The following DLG2 variants were observed in gnomAD, a reference collection of about 807,000 sequenced individuals.
The protein encoded by DLG2 is discs large MAGUK scaffold protein 2.
DLG2 carries 45 observed loss-of-function variants against 132.5 expected under a neutral mutation model. The ratio of observed to expected loss-of-function variants is 0.34; its 90% CI spans 0.27 to 0.44. The LOEUF is 0.44. Among genes scored for constraint, DLG2 ranks in the 20% least tolerant of loss-of-function variants. The pLI, the probability that DLG2 is intolerant of heterozygous loss-of-function variation, is 1.00. For missense variants in DLG2, 1,045 were observed against 1,196.9 expected, an observed-to-expected ratio of 0.87 and a Z score of 1.87; for synonymous variants, 424 against 419.6, an observed-to-expected ratio of 1.01 and a Z score of -0.13.
At chr11:83,630,537 C>A (rs2063377799) in intron 19 of DLG2, among the ~76,000 whole-genome samples, 1 of 152,152 alleles carries the variant, frequency 6.6e-6, no homozygotes, top group African/African-American at 2.4e-5. Context: ...CACAGTTTAT[C>A]CTGTGCAAAA....
At chr11:84,623,825 T>A (rs1041843860) in intron 6 of DLG2, among the ~76,000 whole-genome samples, 1 of 152,212 alleles carries the variant, frequency 6.6e-6, no homozygotes, top group Non-Finnish European at 1.5e-5. Context: ...CCCACCACAA[T>A]GAGAATATTT....
At chr11:85,368,801 A>G (rs2084748926) in intron 3 of DLG2, among the ~76,000 whole-genome samples, 1 of 152,220 alleles carries the variant, frequency 6.6e-6, no homozygotes, top group Admixed American at 6.5e-5. Context: ...GGGTCCCTGG[A>G]GAAACTCTAA....
intron 10 of DLG2, among the ~76,000 whole-genome samples, chr11:84,075,835 C>T (rs1038103456): frequency 6.6e-6 from 1 of 152,160 alleles, no homozygotes; most frequent in Non-Finnish European, 1.5e-5. Context: ...ATGAAAAACT[C>T]ATGACACATT....
At chr11:84,059,219 T>C in intron 11 of DLG2, 96 bp downstream of exon 11, 1 of 1,230,960 alleles carries the variant, frequency 8.1e-7, no homozygotes, top group Non-Finnish European at 1.2e-6. Flanking sequence ...GCACTGAATG[T>C]CAGAGGTTAA....
chr11:85,556,867 GA>G, intron 3 of DLG2, among the ~76,000 whole-genome samples: 1 of 151,686 alleles, frequency 6.6e-6, no homozygotes, highest in East Asian at 1.9e-4. Context: ...ATATAGAGAT[GA>G]AAAAAATATA....
intron 19 of DLG2, among the ~76,000 whole-genome samples, chr11:83,610,028 C>T (rs576359014): frequency 1.3e-5 from 2 of 152,252 alleles, no homozygotes; most frequent in Admixed American, 1.3e-4. Flanking sequence ...ACCCCAGGGT[C>T]TCAACACTCC....
chr11:84,774,107 G>C (rs2069949634), intron 6 of DLG2, among the ~76,000 whole-genome samples: 2 of 152,060 alleles, frequency 1.3e-5, no homozygotes, highest in Non-Finnish European at 2.9e-5. Flanking sequence ...CAAAATCAAT[G>C]TAAAAAATTC....
intron 6 of DLG2, among the ~76,000 whole-genome samples, chr11:85,088,435 G>A (rs1377303): frequency 0.24 from 36,571 of 152,032 alleles, 4,659 homozygotes; most frequent in Middle Eastern, 0.3. Flanking sequence ...AAGATTCAGC[G>A]GCTTTGCACT....
chr11:83,636,050 C>T (rs1480890485), intron 18 of DLG2, among the ~76,000 whole-genome samples: 1 of 152,170 alleles, frequency 6.6e-6, no homozygotes, highest in African/African-American at 2.4e-5. Flanking sequence ...CTAAGTACCA[C>T]TAAATCTCCC....
intron 3 of DLG2, among the ~76,000 whole-genome samples, chr11:85,377,026 T>C (rs1283415936): frequency 6.6e-6 from 1 of 152,156 alleles, no homozygotes; most frequent in Non-Finnish European, 1.5e-5. Context: ...GGTATTATTA[T>C]TACCACCCTT....
chr11:85,118,836 G>T lies in DLG2; in HGVS notation c.283-7101C>A, dbSNP rs568750450. Among the ~76,000 whole-genome samples the T allele has an allele frequency of 3.4e-4, 51 of 151,894 alleles. 1 individual carries two copies. In the South Asian group the frequency reaches 9.6e-3, roughly 28 times the overall value. On this transcript the variant is annotated intron_variant, in intron 5 of 27. Coordinates refer to ENST00000376104, the MANE Select transcript of DLG2 (RefSeq NM_001142699.3). ...GAGTTTCAGTTTTCTCATCCATAAAGTGGAAAAAATAAAACCTAGCTTAAG... is the reference window on the plus strand; with the variant it reads ...GAGTTTCAGTTTTCTCATCCATAAATTGGAAAAAATAAAACCTAGCTTAAG...
intron 7 of DLG2, among the ~76,000 whole-genome samples, chr11:84,298,077 T>C (rs2098113961): frequency 6.6e-6 from 1 of 152,206 alleles, no homozygotes; most frequent in African/African-American, 2.4e-5. Context: ...CACCCCTGTC[T>C]GAAGTAATCT....
chr11:84,746,441 A>AT (rs1438483527), intron 6 of DLG2, among the ~76,000 whole-genome samples: 2 of 109,560 alleles, frequency 1.8e-5, no homozygotes, highest in African/African-American at 6.6e-5. Flanking sequence ...TTTAGACTTG[A>AT]TTAAAAAAAA....
chr11:84,462,351 TA>T (rs1469262414), intron 7 of DLG2, among the ~76,000 whole-genome samples: 2 of 150,990 alleles, frequency 1.3e-5, no homozygotes, highest in Non-Finnish European at 3.0e-5. Context: ...AACATTTTTT[TA>T]AAAACCTTTT....
chr11:85,344,097 T>C (rs773338330), intron 3 of DLG2, among the ~76,000 whole-genome samples: 6 of 152,158 alleles, frequency 3.9e-5, no homozygotes, highest in African/African-American at 7.2e-5. Context: ...TCTCCCCCCA[T>C]TGTGTGTTAC....
intron 7 of DLG2, among the ~76,000 whole-genome samples, chr11:84,365,491 T>C (rs1304985771): frequency 9.0e-4 from 137 of 152,154 alleles, no homozygotes; most frequent in African/African-American, 3.0e-3. Context: ...TTTTGAAGGG[T>C]TTTTTATGTC....
chr11:83,721,706 C>G (rs531399635), intron 18 of DLG2, among the ~76,000 whole-genome samples: 45 of 152,246 alleles, frequency 3.0e-4, no homozygotes, highest in Non-Finnish European at 5.1e-4. Flanking sequence ...GATGCGACAA[C>G]GAATTATAGA....
intron 8 of DLG2, among the ~76,000 whole-genome samples, chr11:84,215,574 C>T (rs981512582): frequency 2.0e-5 from 3 of 152,100 alleles, no homozygotes; most frequent in African/African-American, 4.8e-5. Flanking sequence ...TCCTGCCTAA[C>T]TTCAAAGGAG....
At chr11:85,597,697 G>A (rs1485071020) in intron 3 of DLG2, among the ~76,000 whole-genome samples, 4 of 151,528 alleles carry the variant, frequency 2.6e-5, no homozygotes, top group East Asian at 1.9e-4. Flanking sequence ...TATTTATAAT[G>A]AAAACAAAGT....
Sources: allele counts gnomAD v4.1 joint callset (sites outside exome capture counted in the v4.1 genomes callset), GRCh38; gene constraint gnomAD v4.1.1; transcripts MANE v1.5; gene names NCBI Gene and HGNC (gene_info 2026-07-23, HGNC 2026-07-21).